CADPS2: variants seen among roughly 807,000 people sequenced by gnomAD.
The protein encoded by CADPS2 is calcium-dependent secretion activator 2.
Under a neutral mutation model 172.5 loss-of-function variants are expected in CADPS2, and 93 were observed. The ratio of observed to expected loss-of-function variants is 0.54; its 90% confidence interval spans 0.46 to 0.64. The LOEUF (loss-of-function observed/expected upper bound fraction) is 0.64. Among genes scored for constraint, CADPS2 ranks in the 30% least tolerant of loss-of-function variants. The pLI is 0.00. For missense variants in CADPS2, 1,420 were observed against 1,565.9 expected (o/e 0.91, Z 1.57); for synonymous variants, 546 against 555.2 (o/e 0.98, Z 0.23).
At chr7:122,744,229 A>T (rs1308226186) in intron 1 of CADPS2, among the ~76,000 whole-genome samples, 1 of 152,210 alleles carries the variant, frequency 6.6e-6, no homozygotes, top group African/African-American at 2.4e-5. Context: ...ACCTTGATTC[A>T]TGAAGATGGT....
intron 6 of CADPS2, among the ~76,000 whole-genome samples, chr7:122,596,655 T>C (rs1421476697): frequency 6.6e-6 from 1 of 152,116 alleles, no homozygotes; most frequent in Non-Finnish European, 1.5e-5. Context: ...ACATCCCCAC[T>C]GTAAACAACA....
chr7:122,886,156 G>T lies in CADPS2; in HGVS notation c.182C>A (p.Pro61His). The T allele has an allele frequency of 1.3e-6, 2 of 1,534,840 alleles. No individual in the cohort carries two copies. Among genetic ancestry groups the T allele is most frequent in the Non-Finnish European group, 1.8e-6 (2 of 1,141,534 alleles). Reference protein sequence around the residue: ...GGAARSVSPSPSVLSEGRDEP... With the variant: ...GGAARSVSPSHSVLSEGRDEP... ...GTCTCGCCCCTCGCTGAGCACAGAG[G>T]GGCTCGGGCTCACAGATCTGGCCGC... is the stretch of plus-strand genomic sequence containing the variant. Residue 61 changes from proline to histidine, a missense_variant, in exon 1 of 30, where the codon CCC becomes CAC. Transcript: ENST00000449022.
chr7:122,420,696 A>G (rs569408461), intron 17 of CADPS2, among the ~76,000 whole-genome samples: 2 of 152,326 alleles, frequency 1.3e-5, no homozygotes, highest in African/African-American at 4.8e-5. Context: ...GCTTCACACC[A>G]AATTGCTGAT....
At chr7:122,601,833 A>C (rs1490805058) in intron 6 of CADPS2, among the ~76,000 whole-genome samples, 2 of 152,026 alleles carry the variant, frequency 1.3e-5, no homozygotes, top group Admixed American at 1.3e-4. Context: ...AGAAGGAGAA[A>C]CTACTGTGGA....
At chr7:122,322,311 G>T (rs560665786) in intron 29 of CADPS2, among the ~76,000 whole-genome samples, 1 of 152,334 alleles carries the variant, frequency 6.6e-6, no homozygotes, top group Admixed American at 6.5e-5. Flanking sequence ...GATTTGAATT[G>T]TGGATCTGCA....
In CADPS2 at chr7:122,706,300, T is replaced by C. The variant is rs182717769; in HGVS notation, c.453+30655A>G. On this transcript the variant is annotated intron_variant, in intron 2 of 29. Transcript: ENST00000449022. ...TATATTCAAGGAATATATATATGCTTATATATTCAAGGAATATATATATAT... is the reference window on the plus strand; with the variant it reads ...TATATTCAAGGAATATATATATGCTCATATATTCAAGGAATATATATATAT... Among the ~76,000 whole-genome samples, 78 of 17,876 alleles carry C rather than the reference T, an allele frequency of 4.4e-3. 12 individuals carry two copies. The highest frequency in any genetic ancestry group is 8.3e-3 in the Non-Finnish European group (61 of 7,320). 11.7% of individuals were successfully genotyped at this position (17,876 alleles called of 152,430 possible).
chr7:122,578,091 C>T (rs2068280475), intron 7 of CADPS2, among the ~76,000 whole-genome samples: 1 of 149,612 alleles, frequency 6.7e-6, no homozygotes, highest in Admixed American at 6.7e-5. Flanking sequence ...TATATATATA[C>T]ACATATATAT....
At chr7:122,570,600 A>T (rs1429042070) in intron 7 of CADPS2, among the ~76,000 whole-genome samples, 2 of 150,024 alleles carry the variant, frequency 1.3e-5, no homozygotes, top group Non-Finnish European at 2.9e-5. Flanking sequence ...TTATTGTGGC[A>T]CTATTCACAA....
At chr7:122,556,186 T>C (rs1476565258) in intron 7 of CADPS2, among the ~76,000 whole-genome samples, 2 of 152,110 alleles carry the variant, frequency 1.3e-5, no homozygotes, top group Admixed American at 6.6e-5. Flanking sequence ...TCCAGTGTAA[T>C]ATTTTACAGA....
At chr7:122,556,162 T>C (rs2132049699) in intron 7 of CADPS2, among the ~76,000 whole-genome samples, 1 of 152,252 alleles carries the variant, frequency 6.6e-6, no homozygotes. Context: ...GAATTCATTT[T>C]GACTGCTAAA....
At chr7:122,329,877 A>T (rs1563078914) in intron 28 of CADPS2, among the ~76,000 whole-genome samples, 1 of 152,168 alleles carries the variant, frequency 6.6e-6, no homozygotes, top group Non-Finnish European at 1.5e-5. Flanking sequence ...CAAGCAAATG[A>T]TTTTTGTCAG....
At chr7:122,502,960 A>G (rs1004797709) in intron 9 of CADPS2, among the ~76,000 whole-genome samples, 2 of 152,066 alleles carry the variant, frequency 1.3e-5, no homozygotes, top group Non-Finnish European at 2.9e-5. Flanking sequence ...ATTTTCAGCC[A>G]TAACACTTAT....
In CADPS2 at chr7:122,734,358, AAAAAAAAAAAAAAAAAAAAAAAAAAAAAG is replaced by A. The variant is rs1329436712; in HGVS notation, c.453+2568_453+2596del. Among the ~76,000 whole-genome samples the A allele has an allele frequency of 8.2e-5, 6 of 73,580 alleles. No individual in the cohort carries two copies. In the South Asian group the frequency reaches 1.7e-3, roughly 21 times the overall value. 48.3% of individuals were successfully genotyped at this position (73,580 alleles called of 152,430 possible). On this transcript the variant is annotated intron_variant, in intron 2 of 29. Transcript: ENST00000449022. The stretch of plus-strand genomic sequence containing the variant: ...TAACGATAGCATGCCAGAAATAGTA[AAAAAAAAAAAAAAAAAAAAAAAAAAAAAG>A]AAAAAAAAAAAAGAAAATCTGGATT...
At chr7:122,566,378 G>A (rs2066474260) in intron 7 of CADPS2, among the ~76,000 whole-genome samples, 1 of 152,024 alleles carries the variant, frequency 6.6e-6, no homozygotes, top group Admixed American at 6.6e-5. Context: ...AAAAGTAAAA[G>A]TAGAATTACT....
At chr7:122,402,074 T>G (rs1229659493) in intron 20 of CADPS2, among the ~76,000 whole-genome samples, 1 of 152,202 alleles carries the variant, frequency 6.6e-6, no homozygotes, top group Non-Finnish European at 1.5e-5. Context: ...ATTTGCTGTC[T>G]TGAACCTTCC....
intron 1 of CADPS2, among the ~76,000 whole-genome samples, chr7:122,863,881 T>G (rs1817602367): frequency 6.6e-6 from 1 of 152,010 alleles, no homozygotes; most frequent in South Asian, 2.1e-4. Context: ...AATACAAAAA[T>G]TAGCTGGGCG....
At chr7:122,502,660 T>A (rs2059300979) in intron 9 of CADPS2, among the ~76,000 whole-genome samples, 1 of 152,096 alleles carries the variant, frequency 6.6e-6, no homozygotes, top group Non-Finnish European at 1.5e-5. Flanking sequence ...CTATAACCTA[T>A]CTCAGGAATA....
intron 1 of CADPS2, among the ~76,000 whole-genome samples, chr7:122,746,488 A>C (rs2138194628): frequency 6.6e-6 from 1 of 152,144 alleles, no homozygotes; most frequent in South Asian, 2.1e-4. Flanking sequence ...GGTTTCCTGA[A>C]CCCCAATCCA....
intron 1 of CADPS2, among the ~76,000 whole-genome samples, chr7:122,755,398 C>T (rs2093118209): frequency 6.6e-6 from 1 of 152,076 alleles, no homozygotes; most frequent in African/African-American, 2.4e-5. Context: ...ACCAAAATGC[C>T]TCACATCAAC....
Sources: gnomAD v4.1 joint callset for allele counts (sites outside exome capture counted in the v4.1 genomes callset) on GRCh38, gnomAD v4.1.1 for gene constraint, MANE v1.5 for transcripts, NCBI Gene and HGNC (gene_info 2026-07-23, HGNC 2026-07-21) for gene names.